Variants in ARL15 observed in about 807,000 individuals in gnomAD.
ARL15 encodes ADP-ribosylation factor-like protein 15.
In ARL15, 19 loss-of-function variants were observed where a neutral mutation model predicts 25.2. The ratio of observed to expected loss-of-function variants is 0.75; its 90% CI spans 0.53 to 1.10. The LOEUF is 1.10. Ranked by LOEUF, ARL15 falls within the 50% of genes least tolerant of loss-of-function variation. The pLI is 0.00. For synonymous variants in ARL15, 94 were observed against 86.8 expected, an observed-to-expected ratio of 1.08 and a Z score of -0.46; for missense variants, 220 against 246.0, an observed-to-expected ratio of 0.89 and a Z score of 0.71.
At position 54,014,271 on chromosome 5, in the gene ARL15, C is replaced by G. The variant is rs534576281; in HGVS notation, c.462+98931G>C. ...AACAGACACTGGAAGAGATTTTTTC[C>G]CACTCTACCTAAAGATCCAAGGGAA... is the stretch of plus-strand genomic sequence containing the variant. On this transcript the variant is annotated intron_variant, in intron 4 of 4. Coordinates refer to ENST00000504924, the MANE Select transcript of ARL15 (RefSeq NM_019087.3). 9.9e-4 allele frequency among the ~76,000 whole-genome samples: 151 copies of G among 152,134 alleles called. 1 individual carries two copies. The highest frequency in any genetic ancestry group is 3.4e-3 in the African/African-American group (140 of 41,510).
Position 53,909,113 on chromosome 5 carries a change from A to G in ARL15, c.463-22400T>C, listed in dbSNP as rs190043264. Among the ~76,000 whole-genome samples the G allele has an allele frequency of 2.0e-3, 312 of 152,312 alleles. 1 individual carries two copies. The highest frequency in any genetic ancestry group is 3.6e-3 in the Non-Finnish European group (242 of 68,034). ...CAAACAAGTACACTATAGAAAATCA[A>G]TTATAATTAGGGGAAAATTTCTCCT... On this transcript the variant is annotated intron_variant, in intron 4 of 4. Coordinates refer to ENST00000504924, the MANE Select transcript of ARL15 (RefSeq NM_019087.3).
At chr5:54,229,892 A>T (rs950025313) in intron 1 of ARL15, among the ~76,000 whole-genome samples, 1 of 152,132 alleles carries the variant, frequency 6.6e-6, no homozygotes, top group African/African-American at 2.4e-5. Context: ...GTCCATGGTG[A>T]CTTTAAACCT....
chr5:54,259,237 C>A (rs1199513060), intron 1 of ARL15, among the ~76,000 whole-genome samples: 2 of 152,174 alleles, frequency 1.3e-5, no homozygotes, highest in Non-Finnish European at 2.9e-5. Context: ...CATACACACA[C>A]ATACTCATAT....
rs182091965 is a variant in ARL15, at chr5:54,129,660, T to C, written c.254-16250A>G. Among the ~76,000 whole-genome samples, 7 of 152,346 alleles carry C rather than the reference T, an allele frequency of 4.6e-5. No homozygotes were observed. In the East Asian group the frequency reaches 1.3e-3, roughly 29 times the overall value. ...TGTCCATCAAATAAATGATGAATTATATTCCTGGCATTTTCATTTATTATC... is the reference window on the plus strand; with the variant it reads ...TGTCCATCAAATAAATGATGAATTACATTCCTGGCATTTTCATTTATTATC... On this transcript the variant is annotated intron_variant, in intron 3 of 4. Coordinates refer to ENST00000504924, the MANE Select transcript of ARL15 (RefSeq NM_019087.3).
chr5:53,960,957 G>A (rs940153981), intron 4 of ARL15, among the ~76,000 whole-genome samples: 8 of 152,166 alleles, frequency 5.3e-5, no homozygotes, highest in Non-Finnish European at 1.2e-4. Flanking sequence ...GCTTGTTTTT[G>A]TCAGGGTTTC....
chr5:54,215,397 T>C (rs1314006012), intron 1 of ARL15, among the ~76,000 whole-genome samples: 1 of 152,044 alleles, frequency 6.6e-6, no homozygotes, highest in Non-Finnish European at 1.5e-5. Context: ...GTCTAGACAG[T>C]CTATTGAGAA....
chr5:53,887,094 G>A (rs572528892), intron 4 of ARL15, among the ~76,000 whole-genome samples: 125 of 152,202 alleles, frequency 8.2e-4, no homozygotes, highest in African/African-American at 2.9e-3. Context: ...ATCTCACCTT[G>A]CCAACTTATT....
chr5:54,156,719 C>T (rs71619999), intron 2 of ARL15, among the ~76,000 whole-genome samples: 10 of 152,190 alleles, frequency 6.6e-5, no homozygotes, highest in Non-Finnish European at 1.5e-4. Context: ...AAACATACCC[C>T]TTCCTTTGTG....
intron 4 of ARL15, among the ~76,000 whole-genome samples, chr5:53,890,916 C>CA (rs1744687079): frequency 6.6e-6 from 1 of 152,166 alleles, no homozygotes; most frequent in African/African-American, 2.4e-5. Context: ...CTTTATGTTT[C>CA]CTTGAGCAGT....
chr5:54,118,349 G>A (rs530145654), intron 3 of ARL15, among the ~76,000 whole-genome samples: 135 of 152,010 alleles, frequency 8.9e-4, no homozygotes, highest in African/African-American at 2.6e-3. Context: ...ATGAGCATCC[G>A]GCCCTCTTCT....
chr5:54,242,935 T>C (rs1214033729), intron 1 of ARL15, among the ~76,000 whole-genome samples: 1 of 152,216 alleles, frequency 6.6e-6, no homozygotes, highest in African/African-American at 2.4e-5. Context: ...ATATAGAGAA[T>C]ATAAATCAAG....
chr5:54,293,577 A>C (rs1579988664), intron 1 of ARL15, among the ~76,000 whole-genome samples: 1 of 152,232 alleles, frequency 6.6e-6, no homozygotes, highest in African/African-American at 2.4e-5. Flanking sequence ...CCTAGAAGCA[A>C]GGAAAAAGTT....
chr5:54,117,551 T>G (rs2112232626), intron 3 of ARL15, among the ~76,000 whole-genome samples: 2 of 152,278 alleles, frequency 1.3e-5, no homozygotes, highest in Middle Eastern at 6.8e-3. Flanking sequence ...GCAGTAAAAG[T>G]TATTATTTTA....
intron 4 of ARL15, among the ~76,000 whole-genome samples, chr5:54,110,740 A>G (rs1250121734): frequency 1.3e-5 from 2 of 152,074 alleles, no homozygotes; most frequent in Non-Finnish European, 2.9e-5. Flanking sequence ...TTCTAGTAAC[A>G]CATGACTTTG....
At chr5:54,181,886 T>G (rs1251301691) in intron 1 of ARL15, among the ~76,000 whole-genome samples, 2 of 149,126 alleles carry the variant, frequency 1.3e-5, no homozygotes, top group African/African-American at 5.0e-5. Context: ...GATTTGCATT[T>G]CTCTGATGGC....
At chr5:54,295,269 C>G (rs1758437528) in intron 1 of ARL15, among the ~76,000 whole-genome samples, 1 of 152,122 alleles carries the variant, frequency 6.6e-6, no homozygotes, top group African/African-American at 2.4e-5. Context: ...ACTCAGAAGA[C>G]ATGAAATGGA....
At position 54,234,145 on chromosome 5, in the gene ARL15, G is replaced by A. The variant is rs578052728; in HGVS notation, c.49-62217C>T. Among the ~76,000 whole-genome samples the A allele has an allele frequency of 2.1e-3, 321 of 152,130 alleles. 1 individual carries two copies. Among genetic ancestry groups the A allele is most frequent in the African/African-American group, 7.5e-3 (310 of 41,522 alleles). On this transcript the variant is annotated intron_variant, in intron 1 of 4. Transcript: ENST00000504924. ...CAAGTAGCTGGGATTATAGGCGCGT[G>A]CCACCAAGCCCGGCTAATTTTTTTA...
intron 1 of ARL15, among the ~76,000 whole-genome samples, chr5:54,243,393 A>G (rs1265967087): frequency 6.6e-6 from 1 of 152,216 alleles, no homozygotes; most frequent in Non-Finnish European, 1.5e-5. Flanking sequence ...CGCCCTTTGT[A>G]TTCTCCTCAT....
chr5:54,274,669 C>T (rs1475307663), intron 1 of ARL15, among the ~76,000 whole-genome samples: 2 of 152,080 alleles, frequency 1.3e-5, no homozygotes, highest in South Asian at 2.1e-4. Context: ...GAGACTGAGG[C>T]GGGTGGATCA....
Sources: allele counts gnomAD v4.1 joint callset (sites outside exome capture counted in the v4.1 genomes callset), GRCh38; gene constraint gnomAD v4.1.1; transcripts MANE v1.5; gene names NCBI Gene and HGNC (gene_info 2026-07-23, HGNC 2026-07-21).